Variants in CSMD3 observed in about 807,000 individuals in gnomAD.
CSMD3 encodes CUB and Sushi multiple domains 3, also known as CUB and sushi domain-containing protein 3.
Under a neutral mutation model 435.2 loss-of-function variants are expected in CSMD3, and 177 were observed. The ratio of observed to expected loss-of-function variants is 0.41; its 90% CI spans 0.36 to 0.46. CSMD3 has a LOEUF of 0.46. CSMD3 is among the 20% of genes least tolerant of loss of function. The pLI is 0.34. For synonymous variants in CSMD3, 1,656 were observed against 1,520.5 expected (o/e 1.09, Z -2.07); for missense variants, 4,265 against 4,504.6 (o/e 0.95, Z 1.52).
intron 22 of CSMD3, among the ~76,000 whole-genome samples, chr8:112,616,549 C>G (rs1330627630): frequency 6.6e-6 from 1 of 152,054 alleles, no homozygotes; most frequent in Non-Finnish European, 1.5e-5. Context: ...AATGTCTAAT[C>G]CAACCACAAG....
chr8:112,313,177 G>C (rs1490224763), intron 49 of CSMD3, among the ~76,000 whole-genome samples: 1 of 152,172 alleles, frequency 6.6e-6, no homozygotes, highest in East Asian at 1.9e-4. Flanking sequence ...TTCAGTATCA[G>C]TAGACCCTAT....
intron 22 of CSMD3, among the ~76,000 whole-genome samples, chr8:112,619,861 A>T (rs1001722241): frequency 3.3e-5 from 5 of 152,174 alleles, no homozygotes; most frequent in African/African-American, 7.2e-5. Flanking sequence ...CAGTATCCAT[A>T]ATAGTGAGAC....
intron 32 of CSMD3, among the ~76,000 whole-genome samples, chr8:112,443,900 CATT>C (rs1815314829): frequency 6.6e-6 from 1 of 152,068 alleles, no homozygotes; most frequent in African/African-American, 2.4e-5. Flanking sequence ...GACCCTGCAT[CATT>C]ATGTTGACAC....
At chr8:113,069,020 G>T (rs912313543) in intron 5 of CSMD3, among the ~76,000 whole-genome samples, 4 of 131,370 alleles carry the variant, frequency 3.0e-5, no homozygotes, top group African/African-American at 9.3e-5. Flanking sequence ...CTTAACCAAG[G>T]TTTCAAGTGA....
At chr8:113,377,251 G>C (rs2094391825) in intron 1 of CSMD3, 1 of 485,540 alleles carries the variant, frequency 2.1e-6, no homozygotes. Flanking sequence ...AAAACAAACC[G>C]TGGAGCCTAC....
At position 113,106,089 on chromosome 8, in the gene CSMD3, T is replaced by C. The variant is rs575289209; in HGVS notation, c.710-7126A>G. ...ATCTGGCTTATAGACTTTTTTTTTG[T>C]TTTGCCTGTGATCTAGTAATGATTT... On this transcript the variant is annotated intron_variant, in intron 4 of 70. Coordinates refer to ENST00000297405, the MANE Select transcript of CSMD3 (RefSeq NM_198123.2). 1.1e-3 allele frequency among the ~76,000 whole-genome samples: 174 copies of C among 152,144 alleles called. 1 individual carries two copies. The highest frequency in any genetic ancestry group is 4.1e-3 in the African/African-American group (172 of 41,534).
chr8:112,581,056 C>T (rs1830302383), intron 23 of CSMD3, among the ~76,000 whole-genome samples: 1 of 152,076 alleles, frequency 6.6e-6, no homozygotes, highest in South Asian at 2.1e-4. Flanking sequence ...CATGAATATT[C>T]ACTGAATATT....
At chr8:113,399,778 T>C (rs1354405381) in intron 1 of CSMD3, among the ~76,000 whole-genome samples, 1 of 151,970 alleles carries the variant, frequency 6.6e-6, no homozygotes, top group East Asian at 1.9e-4. Context: ...ACTCAGATAC[T>C]GAATTGTGCA....
chr8:112,666,412 G>C lies in CSMD3; in HGVS notation c.2681C>G (p.Pro894Arg), dbSNP rs779301839. 1 of 1,611,804 alleles carries C rather than the reference G, an allele frequency of 6.2e-7. No homozygotes were observed. Among genetic ancestry groups the C allele is most frequent in the South Asian group, 1.1e-5 (1 of 90,878 alleles). ...WSGLIPKCGA[P>R]CGGHFSAPSG... ...GGGAGCTGAAAAATGGCCACCACAT[G>C]GGGCTGAAAAATTAAATCAGACAAG... The change falls in exon 17 of 71, where the codon CCA becomes CGA. Residue 894 changes from proline to arginine, a missense_variant. Physicochemically the swap from Pro to Arg is moderately radical, Grantham distance 103. Coordinates refer to ENST00000297405, the MANE Select transcript of CSMD3 (RefSeq NM_198123.2).
Position 112,336,753 on chromosome 8 carries a change from A to G in CSMD3, c.6918T>C (p.Phe2306=), listed in dbSNP as rs1312359937. The stretch of plus-strand genomic sequence containing the variant: ...CTCTTACAAGCCAAAAACAATCTTG[A>G]AAGTTTGGATATTCATCAGGATACC... ...SPGYPDEYPN[F]QDCFWLVRVP... Residue 2306 remains phenylalanine, a synonymous_variant, in exon 44 of 71, where the codon TTT becomes TTC. Coordinates refer to ENST00000297405, the MANE Select transcript of CSMD3 (RefSeq NM_198123.2). 6.2e-7 allele frequency: 1 copy of G among 1,613,284 alleles called. No homozygotes were observed. The highest frequency in any genetic ancestry group is 2.2e-5 in the East Asian group (1 of 44,786).
At chr8:112,654,965 G>A (rs1402645014) in intron 18 of CSMD3, among the ~76,000 whole-genome samples, 1 of 152,072 alleles carries the variant, frequency 6.6e-6, no homozygotes, top group African/African-American at 2.4e-5. Flanking sequence ...ATCAGTTAAG[G>A]CACTTTAGTT....
chr8:112,766,078 T>C (rs1269315711), intron 13 of CSMD3, among the ~76,000 whole-genome samples: 5 of 151,696 alleles, frequency 3.3e-5, no homozygotes, highest in African/African-American at 1.2e-4. Context: ...ACAGGATCAA[T>C]GATTGTATTG....
intron 1 of CSMD3, among the ~76,000 whole-genome samples, chr8:113,387,744 A>G (rs1032304781): frequency 1.4e-4 from 22 of 151,810 alleles, no homozygotes; most frequent in African/African-American, 5.3e-4. Context: ...GGAAGTAAAA[A>G]GGAAGAGAAA....
chr8:113,248,631 G>A (rs1588366200), intron 3 of CSMD3, among the ~76,000 whole-genome samples: 1 of 150,070 alleles, frequency 6.7e-6, no homozygotes, highest in East Asian at 2.0e-4. Context: ...CCTAGAGATA[G>A]GATCTTTCCA....
chr8:112,399,055 T>G (rs932988797), intron 35 of CSMD3, among the ~76,000 whole-genome samples: 13 of 151,898 alleles, frequency 8.6e-5, no homozygotes, highest in Non-Finnish European at 1.6e-4. Context: ...TAGCTGGAAT[T>G]ACAGGCATGT....
chr8:113,274,180 G>A (rs2093552030), intron 3 of CSMD3, among the ~76,000 whole-genome samples: 1 of 151,900 alleles, frequency 6.6e-6, no homozygotes, highest in Admixed American at 6.6e-5. Context: ...ACACAGAATT[G>A]TTAAATTATT....
At chr8:112,411,095 T>C (rs1811286229) in intron 32 of CSMD3, among the ~76,000 whole-genome samples, 1 of 148,356 alleles carries the variant, frequency 6.7e-6, no homozygotes, top group Non-Finnish European at 1.5e-5. Flanking sequence ...AAGAGCTTTT[T>C]CTGAGGAAAA....
At chr8:112,247,876 C>T (rs1201798790) in intron 63 of CSMD3, among the ~76,000 whole-genome samples, 1 of 151,958 alleles carries the variant, frequency 6.6e-6, no homozygotes, top group East Asian at 1.9e-4. Context: ...AAAAGACTTA[C>T]AGAAAAATGG....
chr8:112,421,955 T>G (rs999609135), intron 32 of CSMD3, among the ~76,000 whole-genome samples: 2 of 151,690 alleles, frequency 1.3e-5, no homozygotes, highest in African/African-American at 4.8e-5. Context: ...GTTTTGCAGA[T>G]AAAAAAACAA....
Sources: gnomAD v4.1 joint callset for allele counts (sites outside exome capture counted in the v4.1 genomes callset) on GRCh38, gnomAD v4.1.1 for gene constraint, MANE v1.5 for transcripts, NCBI Gene and HGNC (gene_info 2026-07-23, HGNC 2026-07-21) for gene names.